The following INPP5D variants were observed in gnomAD, a reference collection of about 807,000 sequenced individuals.
INPP5D encodes phosphatidylinositol 3,4,5-trisphosphate 5-phosphatase 1.
A neutral mutation model predicts 122.9 loss-of-function variants in INPP5D; 33 were observed. The ratio of observed to expected loss-of-function variants is 0.27; its 90% CI spans 0.20 to 0.36. The LOEUF is 0.36. INPP5D is among the 10% of genes least tolerant of loss of function. The pLI, the probability that INPP5D is intolerant of heterozygous loss-of-function variation, is 1.00. For missense variants in INPP5D, 1,053 were observed against 1,412.7 expected (o/e 0.75, Z 4.08); for synonymous variants, 584 against 576.2 (o/e 1.01, Z -0.19).
At chr2:233,091,655 T>C (rs1235542209) in intron 2 of INPP5D, among the ~76,000 whole-genome samples, 1 of 152,184 alleles carries the variant, frequency 6.6e-6, no homozygotes, top group Non-Finnish European at 1.5e-5. Context: ...AGCTGAATAA[T>C]TCAGGATCCT....
At chr2:233,169,556 C>T in intron 14 of INPP5D, 155 bp downstream of exon 14, 1 of 1,163,634 alleles carries the variant, frequency 8.6e-7, no homozygotes, top group South Asian at 1.6e-5. Flanking sequence ...TCATCAAAGG[C>T]AACTGCAGCA....
At chr2:233,110,643 C>T (rs569211067) in intron 2 of INPP5D, among the ~76,000 whole-genome samples, 9 of 152,164 alleles carry the variant, frequency 5.9e-5, no homozygotes, top group South Asian at 2.1e-4. Context: ...TTATTTAGGC[C>T]GGGTGCAGTG....
At chr2:233,147,356 A>T (rs1178315968) in intron 8 of INPP5D, 115 bp from the exon 9 acceptor site, 17 of 639,000 alleles carry the variant, frequency 2.7e-5, no homozygotes, top group Non-Finnish European at 3.7e-5. Flanking sequence ...CAGTGGCCCC[A>T]CGAAGGACGC....
At chr2:233,199,182 G>A (rs1384560411) in intron 25 of INPP5D, among the ~76,000 whole-genome samples, 1 of 151,918 alleles carries the variant, frequency 6.6e-6, no homozygotes, top group African/African-American at 2.4e-5. Context: ...AGGTTGCAGT[G>A]AGCCAAGATT....
chr2:233,196,753 G>A (rs558522762), intron 24 of INPP5D, among the ~76,000 whole-genome samples: 26 of 152,100 alleles, frequency 1.7e-4, no homozygotes, highest in Middle Eastern at 3.4e-3. Flanking sequence ...CTCACCAGCC[G>A]AGGAGGCAGA....
At chr2:233,200,702 T>C (rs1222448395) in intron 25 of INPP5D, among the ~76,000 whole-genome samples, 2 of 152,152 alleles carry the variant, frequency 1.3e-5, no homozygotes, top group East Asian at 3.8e-4. Flanking sequence ...CTCACGCCTG[T>C]AATCCCAGCA....
intron 23 of INPP5D, 99 bp downstream of exon 23, chr2:233,194,060 C>A (rs770412238): frequency 4.9e-6 from 7 of 1,425,660 alleles, no homozygotes; most frequent in African/African-American, 1.4e-5. Context: ...CTCTCTGCTG[C>A]GGCCTCAGAG....
Position 233,177,185 on chromosome 2 carries a change from C to T in INPP5D, c.1990-80C>T. 6.4e-7 allele frequency: 1 copy of T among 1,567,434 alleles called. No individual in the cohort carries two copies. The highest frequency in any genetic ancestry group is 8.7e-7 in the Non-Finnish European group (1 of 1,147,270). On this transcript the variant is annotated intron_variant, in intron 17 of 26. Coordinates refer to ENST00000445964, the MANE Select transcript of INPP5D (RefSeq NM_001017915.3). This position sits in a 1 kb window ranked among gnomAD's most constrained non-coding sequence, Gnocchi z 4.2. The stretch of plus-strand genomic sequence containing the variant: ...CGATGAATTTGAGGATTACAGAGGC[C>T]ACCAGTTAATCTGTTCTTTTACTGA...
intron 1 of INPP5D, among the ~76,000 whole-genome samples, chr2:233,063,942 C>T (rs1460912600): frequency 6.6e-6 from 1 of 152,262 alleles, no homozygotes; most frequent in Non-Finnish European, 1.5e-5. Context: ...CTGTCAGGCT[C>T]ATGCCCTCTC....
At chr2:233,163,944 A>T in intron 12 of INPP5D, 41 bp downstream of exon 12, 3 of 1,602,984 alleles carry the variant, frequency 1.9e-6, no homozygotes, top group Non-Finnish European at 2.6e-6. Flanking sequence ...TCCGGGATAG[A>T]ATCTTTGCTC....
At chr2:233,126,644 A>T (rs987651001) in intron 4 of INPP5D, among the ~76,000 whole-genome samples, 10 of 152,106 alleles carry the variant, frequency 6.6e-5, no homozygotes, top group Non-Finnish European at 1.3e-4. Context: ...CATAGGCCAG[A>T]CGCGGTGGCT....
chr2:233,153,172 G>T (rs1353412534), intron 9 of INPP5D, among the ~76,000 whole-genome samples: 1 of 152,152 alleles, frequency 6.6e-6, no homozygotes, highest in African/African-American at 2.4e-5. Flanking sequence ...TAATAACCCT[G>T]ATCAAACAAG....
chr2:233,134,556 C>A (rs76132689), intron 5 of INPP5D, among the ~76,000 whole-genome samples: 200 of 152,226 alleles, frequency 1.3e-3, no homozygotes, highest in African/African-American at 4.5e-3. Context: ...TGTCCCCGTG[C>A]GGGTCTGGCG....
rs1357662155 is a variant in INPP5D, at chr2:233,195,386, C to T, written c.2597-13C>T. ...GGGCCCTCACATGCTCTTTCCCGTC[C>T]CTTTCCTTCCAGACTTTGTGAAGAC... On this transcript the variant is annotated splice_polypyrimidine_tract_variant and intron_variant, in intron 23 of 26. Coordinates refer to ENST00000445964, the MANE Select transcript of INPP5D (RefSeq NM_001017915.3). 3.1e-6 allele frequency: 5 copies of T among 1,613,798 alleles called. No individual in the cohort carries two copies. The highest frequency in any genetic ancestry group is 4.2e-6 in the Non-Finnish European group (5 of 1,179,788).
intron 2 of INPP5D, among the ~76,000 whole-genome samples, chr2:233,120,352 C>T (rs897935925): frequency 5.3e-5 from 8 of 152,172 alleles, no homozygotes; most frequent in South Asian, 2.1e-4. Context: ...GGTGTGGTGG[C>T]GGGCACCTGT....
intron 2 of INPP5D, among the ~76,000 whole-genome samples, chr2:233,089,181 C>T (rs141914396): frequency 2.6e-5 from 4 of 152,176 alleles, no homozygotes; most frequent in East Asian, 1.9e-4. Flanking sequence ...CTTGAGGACA[C>T]GGGAGGGACC....
intron 5 of INPP5D, among the ~76,000 whole-genome samples, chr2:233,132,996 C>T (rs1693372428): frequency 1.3e-5 from 2 of 151,596 alleles, no homozygotes; most frequent in South Asian, 4.2e-4. Flanking sequence ...TCAAGTGAGC[C>T]TCCCACCTCT....
intron 25 of INPP5D, among the ~76,000 whole-genome samples, chr2:233,203,611 G>T (rs1011466002): frequency 6.6e-6 from 1 of 152,130 alleles, no homozygotes; most frequent in African/African-American, 2.4e-5. Context: ...AGTTTGCTAG[G>T]CTGGGCACAG....
intron 25 of INPP5D, among the ~76,000 whole-genome samples, chr2:233,199,675 A>G (rs1305647335): frequency 6.6e-6 from 1 of 151,470 alleles, no homozygotes; most frequent in Non-Finnish European, 1.5e-5. Flanking sequence ...TAAAAATACA[A>G]AAAATTAGCT....
Sources: gnomAD v4.1 joint callset for allele counts (sites outside exome capture counted in the v4.1 genomes callset) on GRCh38, gnomAD v4.1.1 for gene constraint, Gnocchi (gnomAD v3.1) non-coding constraint, MANE v1.5 for transcripts, NCBI Gene and HGNC (gene_info 2026-07-23, HGNC 2026-07-21) for gene names.